DSC2: variants seen among roughly 807,000 people sequenced by gnomAD.
DSC2 encodes desmocollin-2.
Under a neutral mutation model 87.6 loss-of-function variants are expected in DSC2, and 51 were observed. The ratio of observed to expected loss-of-function variants is 0.58; its 90% confidence interval spans 0.46 to 0.74. The LOEUF is 0.74. DSC2 is among the 30% of genes least tolerant of loss of function. The pLI, the probability that DSC2 is intolerant of heterozygous loss-of-function variation, is 0.00. For missense variants in DSC2, 1,066 were observed against 1,089.5 expected, an observed-to-expected ratio of 0.98 and a Z score of 0.30; for synonymous variants, 383 against 393.2, an observed-to-expected ratio of 0.97 and a Z score of 0.31.
At chr18:31,071,185 TATATTAAATAAAAA>T (rs1216510176) in intron 13 of DSC2, among the ~76,000 whole-genome samples, 1 of 151,876 alleles carries the variant, frequency 6.6e-6, no homozygotes, top group African/African-American at 2.4e-5. Flanking sequence ...AATATATTTA[TATATTAAATAAAAA>T]TACAGCTACA....
chr18:31,074,892 G>A lies in DSC2; in HGVS notation c.1679C>T (p.Thr560Met), dbSNP rs772775522. Residue 560 changes from threonine to methionine, a missense_variant, in exon 12 of 16, where the codon ACG becomes ATG. Thr to Met is a moderately conservative substitution (Grantham distance 81, BLOSUM62 -1). Transcript: ENST00000280904. ...LASDQGGRTC[T>M]GTLGIILQDV... The stretch of plus-strand genomic sequence containing the variant: ...TTGAAGTATAATGCCCAGTGTCCCC[G>A]TACATGTTCTCCCTCCTAGAAAAAT... 1.6e-5 allele frequency: 26 copies of A among 1,613,400 alleles called. No homozygotes were observed. The highest frequency in any genetic ancestry group is 2.2e-5 in the East Asian group (1 of 44,794).
rs1986504300 is a variant in DSC2, at chr18:31,061,667, T to G, written c.*6348A>C. 1 of 152,242 alleles carries G rather than the reference T, an allele frequency of 6.6e-6. No homozygotes were observed. The highest frequency in any genetic ancestry group is 2.4e-5 in the African/African-American group (1 of 41,474). The allele number at this position is 152,242 out of a possible 1,614,324, so 9.4% of individuals were successfully genotyped here. ...CCTGTTTTTTAGCATTATGCTCTTT[T>G]GTTTTACCTTAAGACTCTATATTGC... On this transcript the variant is annotated 3_prime_UTR_variant, in exon 16 of 16. Coordinates refer to ENST00000280904, the MANE Select transcript of DSC2 (RefSeq NM_024422.6).
chr18:31,085,779 G>T (rs945494591), intron 7 of DSC2, among the ~76,000 whole-genome samples: 9 of 151,918 alleles, frequency 5.9e-5, no homozygotes, highest in African/African-American at 2.2e-4. Context: ...TAAGATTAAG[G>T]ATTATAAATA....
At chr18:31,077,929 G>T (rs1481800111) in intron 11 of DSC2, among the ~76,000 whole-genome samples, 2 of 152,178 alleles carry the variant, frequency 1.3e-5, no homozygotes, top group African/African-American at 4.8e-5. Flanking sequence ...AAGTTAAGAA[G>T]AAAAGATAAA....
In DSC2 at chr18:31,067,873, T is replaced by C; in HGVS notation, c.*142A>G. 4.0e-6 allele frequency: 3 copies of C among 755,178 alleles called. No individual in the cohort carries two copies. The highest frequency in any genetic ancestry group is 6.5e-6 in the Non-Finnish European group (3 of 460,764). 46.8% of individuals were successfully genotyped at this position (755,178 alleles called of 1,614,324 possible). A position where few individuals can be genotyped will look rare whatever the true frequency, so the allele number is the denominator to read the frequency against. On this transcript the variant is annotated 3_prime_UTR_variant, in exon 16 of 16. Coordinates refer to ENST00000280904, the MANE Select transcript of DSC2 (RefSeq NM_024422.6). ...TGTTTATAGTGTCTCTCTGTAAATG[T>C]GCATTTGACCAAAGAGATTCCATCC... is the stretch of plus-strand genomic sequence containing the variant.
At chr18:31,072,170 A>C (rs902887070) in intron 12 of DSC2, among the ~76,000 whole-genome samples, 1 of 152,240 alleles carries the variant, frequency 6.6e-6, no homozygotes, top group Non-Finnish European at 1.5e-5. Context: ...CATATCTTGA[A>C]AATATTTAAT....
rs1270395120 is a variant in DSC2 at position 31,086,604 on chromosome 18, G to T, written c.914C>A (p.Thr305Asn). The change falls in exon 7 of 16, where the codon ACC (threonine) becomes AAC (asparagine). Residue 305 changes from threonine (T) to asparagine (N), a missense_variant. Thr to Asn is a moderately conservative substitution (Grantham distance 65). Coordinates refer to ENST00000280904, the MANE Select transcript of DSC2 (RefSeq NM_024422.6). ...FSMHPTTGVI[T>N]TTSSQLDREL... Reference sequence around the variant, plus strand: ...TCTGTCTAGCTGAGATGATGTTGTGGTGATCACGCCTGTAGTTGGATGCAT... The same window carrying T: ...TCTGTCTAGCTGAGATGATGTTGTGTTGATCACGCCTGTAGTTGGATGCAT... 1 of 1,613,984 alleles carries T rather than the reference G, an allele frequency of 6.2e-7. No individual in the cohort carries two copies. Among genetic ancestry groups the T allele is most frequent in the Non-Finnish European group, 8.5e-7 (1 of 1,180,010 alleles).
Position 31,082,232 on chromosome 18 carries a change from TCTTAC to T in DSC2, c.1263+1_1263+5del. ...AACTACAAATAATGTTCTAATTTAT[TCTTAC>T]CTTAACTACACAAAGAACTCCTTCA... On this transcript the variant is annotated splice_donor_variant and splice_donor_5th_base_variant and intron_variant, in intron 9 of 15. Transcript: ENST00000280904. LOFTEE classifies it high-confidence loss of function. 1 of 1,611,096 alleles carries T rather than the reference TCTTAC, an allele frequency of 6.2e-7. No individual in the cohort carries two copies. Among genetic ancestry groups the T allele is most frequent in the Non-Finnish European group, 8.5e-7 (1 of 1,178,188 alleles).
rs183297360 is a variant in DSC2, at chr18:31,067,495, C to T, written c.*520G>A. 1 of 153,910 alleles carries T rather than the reference C, an allele frequency of 6.5e-6. No homozygotes were observed. Among genetic ancestry groups the T allele is most frequent in the Non-Finnish European group, 1.4e-5 (1 of 69,114 alleles). 9.5% of individuals were successfully genotyped at this position (153,910 alleles called of 1,614,324 possible). On this transcript the variant is annotated 3_prime_UTR_variant, in exon 16 of 16. Transcript: ENST00000280904. Reference sequence around the variant, plus strand: ...TGAAATTGTAATAGTCAATGCCTGGCTAGAAATCTCCCTTTGCACAGTGAA... The same window carrying T: ...TGAAATTGTAATAGTCAATGCCTGGTTAGAAATCTCCCTTTGCACAGTGAA...
At chr18:31,069,625 G>A (rs2144785736) in intron 14 of DSC2, among the ~76,000 whole-genome samples, 1 of 151,196 alleles carries the variant, frequency 6.6e-6, no homozygotes, top group Middle Eastern at 3.4e-3. Context: ...TAAGGCACAG[G>A]AATCGCTTGA....
Position 31,074,796 on chromosome 18 carries a change from G to T in DSC2, c.1775C>A (p.Ala592Glu). 1 of 1,613,972 alleles carries T rather than the reference G, an allele frequency of 6.2e-7. No individual in the cohort carries two copies. The highest frequency in any genetic ancestry group is 8.5e-7 in the Non-Finnish European group (1 of 1,179,972). The part of the protein sequence containing the change: ...VIICKPTMSS[A>E]EIVAVDPDEP... ...ATCAGGATCAACCGCAACAATCTCCGCAGATGACATGGTGGGTTTGCAGAT... is the reference window on the plus strand; with the variant it reads ...ATCAGGATCAACCGCAACAATCTCCTCAGATGACATGGTGGGTTTGCAGAT... Residue 592 changes from alanine to glutamate, a missense_variant, in exon 12 of 16, where the codon GCG becomes GAG. Physicochemically the swap from Ala to Glu is moderately radical, Grantham distance 107. Transcript: ENST00000280904.
chr18:31,091,355 G>GA (rs1196457331), intron 3 of DSC2, among the ~76,000 whole-genome samples: 1 of 152,090 alleles, frequency 6.6e-6, no homozygotes, highest in Non-Finnish European at 1.5e-5. Flanking sequence ...ATCCTCTTGG[G>GA]AAAATGATTT....
intron 6 of DSC2, 26 bp downstream of exon 6, chr18:31,087,643 C>G (rs766268434): frequency 3.6e-5 from 58 of 1,605,084 alleles, no homozygotes; most frequent in Non-Finnish European, 4.6e-5. Context: ...GTTAATTTGC[C>G]ATATATTGTT....
rs1001570779 is a variant in DSC2, at chr18:31,067,506, C to G, written c.*509G>C. 6.4e-6 allele frequency: 1 copy of G among 157,354 alleles called. No individual in the cohort carries two copies. Among genetic ancestry groups the G allele is most frequent in the Non-Finnish European group, 1.4e-5 (1 of 71,306 alleles). The allele number at this position is 157,354 out of a possible 1,614,324, so 9.7% of individuals were successfully genotyped here. A position where few individuals can be genotyped will look rare whatever the true frequency, so the allele number is the denominator to read the frequency against. On this transcript the variant is annotated 3_prime_UTR_variant, in exon 16 of 16. Coordinates refer to ENST00000280904, the MANE Select transcript of DSC2 (RefSeq NM_024422.6). ...TAGTCAATGCCTGGCTAGAAATCTCCCTTTGCACAGTGAAAAGGTCACATT... is the reference window on the plus strand; with the variant it reads ...TAGTCAATGCCTGGCTAGAAATCTCGCTTTGCACAGTGAAAAGGTCACATT...
intron 1 of DSC2, among the ~76,000 whole-genome samples, chr18:31,098,083 C>T (rs1210240432): frequency 6.6e-6 from 1 of 152,060 alleles, no homozygotes; most frequent in African/African-American, 2.4e-5. Context: ...CACCTTTTGA[C>T]TTTGCTTGTT....
rs557277127 is a variant in DSC2 at position 31,062,018 on chromosome 18, A to T, written c.*5997T>A. ...CGTGAGAAGAGCAGGGCTGGGAACT[A>T]CCTCTTACGTGTTATCTTCCAAGTG... On this transcript the variant is annotated 3_prime_UTR_variant, in exon 16 of 16. Coordinates refer to ENST00000280904, the MANE Select transcript of DSC2 (RefSeq NM_024422.6). 1 of 152,296 alleles carries T rather than the reference A, an allele frequency of 6.6e-6. No individual in the cohort carries two copies. Among genetic ancestry groups the T allele is most frequent in the Non-Finnish European group, 1.5e-5 (1 of 68,050 alleles). The allele number at this position is 152,296 out of a possible 1,614,324, so 9.4% of individuals were successfully genotyped here. A position where few individuals can be genotyped will look rare whatever the true frequency, so the allele number is the denominator to read the frequency against.
chr18:31,083,214 T>G (rs1198717491), intron 7 of DSC2, among the ~76,000 whole-genome samples, 154 bp from the exon 8 acceptor site: 1 of 152,226 alleles, frequency 6.6e-6, no homozygotes. Flanking sequence ...TTTCTCTCAC[T>G]AGTAATTTTT....
Position 31,102,047 on chromosome 18 carries a change from C to T in DSC2, c.-76G>A. ...GGCTCCGCGGGGCGAGGGCCGCGGC[C>T]GGAGCGCAGTCTGGGCCCGCTGCTC... On this transcript the variant is annotated 5_prime_UTR_variant, in exon 1 of 16. Transcript: ENST00000280904. 1.6e-6 allele frequency: 2 copies of T among 1,273,666 alleles called. No homozygotes were observed. Among genetic ancestry groups the T allele is most frequent in the Non-Finnish European group, 1.0e-6 (1 of 979,750 alleles). 78.9% of individuals were successfully genotyped at this position (1,273,666 alleles called of 1,614,324 possible).
chr18:31,087,813 T>A lies in DSC2; in HGVS notation c.631A>T (p.Ile211Leu), dbSNP rs535835702. The A allele has an allele frequency of 6.2e-7, 1 of 1,613,684 alleles. No individual in the cohort carries two copies. The highest frequency in any genetic ancestry group is 1.7e-5 in the Admixed American group (1 of 60,018). ...VDREQYESFEIIAFATTPDGY... is the reference protein window; with the variant it reads ...VDREQYESFELIAFATTPDGY... ...TCTGGAGTTGTTGCAAAGGCAATTA[T>A]CTGTGAAGAGAGTAAAATAAGGAGA... The change falls in exon 6 of 16, where the codon ATA becomes TTA. Residue 211 changes from isoleucine to leucine, a missense_variant and splice_region_variant. By Grantham distance (5) the Ile-to-Leu change is conservative. Coordinates refer to ENST00000280904, the MANE Select transcript of DSC2 (RefSeq NM_024422.6).
Sources: gnomAD v4.1 joint callset for allele counts (sites outside exome capture counted in the v4.1 genomes callset) on GRCh38, gnomAD v4.1.1 for gene constraint, MANE v1.5 for transcripts, NCBI Gene and HGNC (gene_info 2026-07-23, HGNC 2026-07-21) for gene names.